Variants in PCDH9 observed in about 807,000 individuals in gnomAD.
PCDH9 encodes protocadherin 9.
A neutral mutation model predicts 70.6 loss-of-function variants in PCDH9; 24 were observed. That is an observed-to-expected ratio of 0.34 (90% CI 0.25 to 0.48). The LOEUF (loss-of-function observed/expected upper bound fraction) is 0.48, where lower values mean the gene tolerates loss of function less well. Ranked by LOEUF, PCDH9 falls within the 20% of genes least tolerant of loss-of-function variation. The pLI, the probability that PCDH9 is intolerant of heterozygous loss-of-function variation, is 0.99. For missense variants in PCDH9, 1,281 were observed against 1,503.6 expected, an observed-to-expected ratio of 0.85 and a Z score of 2.45; for synonymous variants, 562 against 558.5, an observed-to-expected ratio of 1.01 and a Z score of -0.09.
Position 66,762,591 on chromosome 13 carries a change from C to T in PCDH9, c.3139-131180G>A, listed in dbSNP as rs563627097. 2.6e-4 allele frequency among the ~76,000 whole-genome samples: 40 copies of T among 152,040 alleles called. No homozygotes were observed. In the South Asian group the frequency reaches 5.2e-3, roughly 20 times the overall value. The stretch of plus-strand genomic sequence containing the variant: ...ATTTTTTCCTGTCATTATGCAACAA[C>T]GAGGCACTGTAATCTCCCAGCTGGT... On this transcript the variant is annotated intron_variant, in intron 3 of 4. Transcript: ENST00000377865.
chr13:66,839,711 A>G (rs185330839), intron 3 of PCDH9, among the ~76,000 whole-genome samples: 3 of 152,288 alleles, frequency 2.0e-5, no homozygotes, highest in African/African-American at 7.2e-5. Context: ...GAGTTAGCTA[A>G]TTAGCCCTTC....
chr13:67,220,288 G>A (rs2089695689), intron 2 of PCDH9: 1 of 151,906 alleles, frequency 6.6e-6, no homozygotes, highest in African/African-American at 2.4e-5. Flanking sequence ...GAAAAAGGAT[G>A]CGTTACAATG....
At chr13:66,348,504 T>C (rs2138163284) in intron 4 of PCDH9, among the ~76,000 whole-genome samples, 1 of 152,046 alleles carries the variant, frequency 6.6e-6, no homozygotes, top group South Asian at 2.1e-4. Flanking sequence ...TTCAAGCGAT[T>C]CTCCTGCCTC....
chr13:66,363,556 C>T (rs1358952380), intron 4 of PCDH9, among the ~76,000 whole-genome samples: 1 of 151,946 alleles, frequency 6.6e-6, no homozygotes, highest in Non-Finnish European at 1.5e-5. Flanking sequence ...ATACACACAA[C>T]GTTTAAGGGA....
At chr13:66,433,318 T>TA (rs1957807244) in intron 4 of PCDH9, among the ~76,000 whole-genome samples, 1 of 151,962 alleles carries the variant, frequency 6.6e-6, no homozygotes, top group African/African-American at 2.4e-5. Context: ...ACAAACCAAT[T>TA]AATCTTTTCA....
In PCDH9 at chr13:67,099,230, T is replaced by G. The variant is rs922695862; in HGVS notation, c.3036+126175A>C. On this transcript the variant is annotated intron_variant, in intron 2 of 4. Transcript: ENST00000377865. ...TTCTTCTCTTTTACCATAGAAAAAATTATTAGAGAACTTGTAACTACGTCT... is the reference window on the plus strand; with the variant it reads ...TTCTTCTCTTTTACCATAGAAAAAAGTATTAGAGAACTTGTAACTACGTCT... 4.6e-5 allele frequency among the ~76,000 whole-genome samples: 7 copies of G among 152,306 alleles called. No homozygotes were observed. The East Asian group carries it at 1.2e-3, about 25-fold the overall frequency.
In PCDH9 at chr13:66,752,304, T is replaced by C. The variant is rs377616765; in HGVS notation, c.3139-120893A>G. Reference sequence around the variant, plus strand: ...TTTTAAAATTGCAAATGAAAACTATTGCTTTATTTTATTTATGTATTTATT... The same window carrying C: ...TTTTAAAATTGCAAATGAAAACTATCGCTTTATTTTATTTATGTATTTATT... On this transcript the variant is annotated intron_variant, in intron 3 of 4. Transcript: ENST00000377865. Among the ~76,000 whole-genome samples, 42 of 152,302 alleles carry C rather than the reference T, an allele frequency of 2.8e-4. No homozygotes were observed. In the East Asian group the frequency reaches 7.3e-3, roughly 27 times the overall value.
rs1959286621 is a variant in PCDH9, at chr13:66,508,399, A to T, written c.3340+122811T>A. Among the ~76,000 whole-genome samples the T allele has an allele frequency of 1.3e-5, 2 of 152,194 alleles. 1 individual carries two copies. The highest frequency in any genetic ancestry group is 4.1e-4 in the South Asian group (2 of 4,830). ...CTAATTGTTCACCTTAAAATGATTG[A>T]TTTTATGTTATGTGGATTTCACTTC... On this transcript the variant is annotated intron_variant, in intron 4 of 4. Transcript: ENST00000377865.
In PCDH9 at chr13:67,174,293, T is replaced by TGATAGATAGATA. The variant is rs748357252; in HGVS notation, c.3036+51100_3036+51111dup. ...GATGATAGATAGCTAGATAGACAGA[T>TGATAGATAGATA]GATAGATAGATAGATAGATAGATAC... On this transcript the variant is annotated intron_variant, in intron 2 of 4. Transcript: ENST00000377865. Among the ~76,000 whole-genome samples, 292 of 149,008 alleles carry TGATAGATAGATA rather than the reference T, an allele frequency of 2.0e-3. 2 individuals are homozygous for TGATAGATAGATA. Among genetic ancestry groups the TGATAGATAGATA allele is most frequent in the African/African-American group, 6.9e-3 (280 of 40,772 alleles).
At chr13:66,736,402 A>T (rs2079149400) in intron 3 of PCDH9, among the ~76,000 whole-genome samples, 1 of 152,218 alleles carries the variant, frequency 6.6e-6, no homozygotes, top group African/African-American at 2.4e-5. Flanking sequence ...GTGAGGACAC[A>T]GGGAAAAGAA....
intron 2 of PCDH9, among the ~76,000 whole-genome samples, chr13:66,999,763 C>T (rs1438567471): frequency 6.6e-6 from 1 of 151,966 alleles, no homozygotes; most frequent in Admixed American, 6.6e-5. Flanking sequence ...CAGAGAAATG[C>T]AAATCAAAAC....
intron 4 of PCDH9, among the ~76,000 whole-genome samples, chr13:66,498,563 T>C (rs1374932595): frequency 1.3e-5 from 2 of 152,170 alleles, no homozygotes; most frequent in Admixed American, 6.5e-5. Context: ...AAGAAACTTA[T>C]AACACTTTGG....
chr13:66,739,916 A>G (rs1466317231), intron 3 of PCDH9, among the ~76,000 whole-genome samples: 1 of 147,710 alleles, frequency 6.8e-6, no homozygotes, highest in Non-Finnish European at 1.5e-5. Context: ...CCCACTGTCA[A>G]CATTAGACAG....
intron 3 of PCDH9, among the ~76,000 whole-genome samples, chr13:66,768,732 C>A (rs61961059): frequency 1.3e-5 from 2 of 151,980 alleles, no homozygotes; most frequent in Non-Finnish European, 2.9e-5. Flanking sequence ...GACAAAGCAA[C>A]CTTTTATCCT....
At chr13:66,880,268 T>A (rs1356068378) in intron 3 of PCDH9, 1 of 152,194 alleles carries the variant, frequency 6.6e-6, no homozygotes, top group African/African-American at 2.4e-5. Context: ...TTACTTTTGA[T>A]ATCCATGAGA....
At chr13:67,197,288 A>G (rs576010492) in intron 2 of PCDH9, among the ~76,000 whole-genome samples, 6 of 152,068 alleles carry the variant, frequency 3.9e-5, no homozygotes, top group Admixed American at 2.0e-4. Context: ...ATGTGTCTTT[A>G]TCTCATTTTT....
chr13:66,938,976 A>C (rs2082962438), intron 2 of PCDH9, among the ~76,000 whole-genome samples: 1 of 152,146 alleles, frequency 6.6e-6, no homozygotes, highest in Non-Finnish European at 1.5e-5. Context: ...TTGTATTGAA[A>C]TATAATACTA....
chr13:66,737,042 T>C (rs1278975497), intron 3 of PCDH9, among the ~76,000 whole-genome samples: 2 of 152,146 alleles, frequency 1.3e-5, no homozygotes, highest in Non-Finnish European at 2.9e-5. Flanking sequence ...AAACGCAGGG[T>C]AGTGCCTTGA....
At chr13:66,477,363 A>G (rs980125419) in intron 4 of PCDH9, among the ~76,000 whole-genome samples, 7 of 152,190 alleles carry the variant, frequency 4.6e-5, no homozygotes, top group Non-Finnish European at 1.0e-4. Context: ...TACACATTCA[A>G]GCACTTGGCA....
Sources: gnomAD v4.1 joint callset for allele counts (sites outside exome capture counted in the v4.1 genomes callset) on GRCh38, gnomAD v4.1.1 for gene constraint, MANE v1.5 for transcripts, NCBI Gene and HGNC (gene_info 2026-07-23, HGNC 2026-07-21) for gene names.